Variants in TMEM132C observed in about 807,000 individuals in gnomAD.
TMEM132C encodes the protein transmembrane protein 132C, also known as protein phosphatase 1, regulatory subunit 152.
TMEM132C carries 29 observed loss-of-function variants against 61.4 expected under a neutral mutation model. That is an observed-to-expected ratio of 0.47 (90% confidence interval 0.35 to 0.64). The LOEUF is 0.64. TMEM132C is among the 30% of genes least tolerant of loss of function. The pLI, the probability that TMEM132C is intolerant of heterozygous loss-of-function variation, is 0.00. For synonymous variants in TMEM132C, 656 were observed against 633.1 expected, an observed-to-expected ratio of 1.04 and a Z score of -0.54; for missense variants, 1,408 against 1,476.9, an observed-to-expected ratio of 0.95 and a Z score of 0.76.
chr12:128,268,639 C>T (rs1464062034), intron 1 of TMEM132C, among the ~76,000 whole-genome samples: 3 of 152,160 alleles, frequency 2.0e-5, no homozygotes, highest in African/African-American at 4.8e-5. Context: ...CACTCAAAGC[C>T]ACCCTTCTCC....
chr12:128,398,779 C>T (rs75081654), intron 1 of TMEM132C, among the ~76,000 whole-genome samples: 2,774 of 152,206 alleles, frequency 0.018, 87 homozygotes, highest in African/African-American at 0.063. Flanking sequence ...ATGCAGCACC[C>T]GGACCAACAG....
At chr12:128,484,950 C>T (rs1388862616) in intron 2 of TMEM132C, among the ~76,000 whole-genome samples, 1 of 151,524 alleles carries the variant, frequency 6.6e-6, no homozygotes, top group Non-Finnish European at 1.5e-5. Flanking sequence ...AGAGTGAGAC[C>T]CTGCCTCAAA....
chr12:128,286,081 CTCCCCATCTCTA>C, intron 1 of TMEM132C, among the ~76,000 whole-genome samples: 1 of 151,464 alleles, frequency 6.6e-6, no homozygotes, highest in African/African-American at 2.4e-5. Context: ...CTCTCTCTCT[CTCCCCATCTCTA>C]TCCCTCTCTC....
chr12:128,640,966 G>T (rs1386910876), intron 4 of TMEM132C, among the ~76,000 whole-genome samples: 1 of 152,172 alleles, frequency 6.6e-6, no homozygotes, highest in Non-Finnish European at 1.5e-5. Context: ...TTCTAAAAGT[G>T]TGCTGCAGGC....
At chr12:128,267,781 G>A (rs934839424) in intron 1 of TMEM132C, among the ~76,000 whole-genome samples, 2 of 152,150 alleles carry the variant, frequency 1.3e-5, no homozygotes, top group East Asian at 1.9e-4. Flanking sequence ...TGAGGGACAC[G>A]GTGTTTGTTC....
At chr12:128,622,359 AAATATATATATATAT>A (rs1479097099) in intron 4 of TMEM132C, among the ~76,000 whole-genome samples, 13 of 56,400 alleles carry the variant, frequency 2.3e-4, no homozygotes, top group East Asian at 1.3e-3. Flanking sequence ...AAAAAAAAAA[AAATATATATATATAT>A]ATATATATAT....
chr12:128,632,053 A>ACACCCCAGATCTGGCTGCTACTATTTTAG (rs1954069216), intron 4 of TMEM132C, among the ~76,000 whole-genome samples: 1 of 152,176 alleles, frequency 6.6e-6, no homozygotes, highest in Admixed American at 6.5e-5. Flanking sequence ...GGCTTTACAG[A>ACACCCCAGATCTGGCTGCTACTATTTTAG]CACCCCAGAT....
chr12:128,471,597 C>A lies in TMEM132C; in HGVS notation c.974+55977C>A, dbSNP rs111627142. 8.1e-3 allele frequency among the ~76,000 whole-genome samples: 1,229 copies of A among 152,318 alleles called. 14 individuals carry two copies. Among genetic ancestry groups the A allele is most frequent in the South Asian group, 0.044 (212 of 4,824 alleles). Reference sequence around the variant, plus strand: ...TGGGAGGCAGCCTGTAACCGAGAAGCAGCATTGCATAGCATCATGCTTGGG... The same window carrying A: ...TGGGAGGCAGCCTGTAACCGAGAAGAAGCATTGCATAGCATCATGCTTGGG... On this transcript the variant is annotated intron_variant, in intron 2 of 8. Transcript: ENST00000435159.
chr12:128,542,943 G>C (rs146417999), intron 2 of TMEM132C, among the ~76,000 whole-genome samples: 1 of 151,146 alleles, frequency 6.6e-6, no homozygotes. Flanking sequence ...ACTGTCTTAT[G>C]CCTTTTAAAA....
At chr12:128,471,661 A>T (rs1870958934) in intron 2 of TMEM132C, among the ~76,000 whole-genome samples, 1 of 152,142 alleles carries the variant, frequency 6.6e-6, no homozygotes, top group Admixed American at 6.5e-5. Flanking sequence ...GGTGTAATAC[A>T]GACTTTAATA....
rs114140952 is a variant in TMEM132C, at chr12:128,410,417, A to G, written c.86-4315A>G. On this transcript the variant is annotated intron_variant, in intron 1 of 8. Transcript: ENST00000435159. ...TATATGTATATGTTTGTATGTATGTATTTTGAGACAGAGTCTCACTCTGTC... is the reference window on the plus strand; with the variant it reads ...TATATGTATATGTTTGTATGTATGTGTTTTGAGACAGAGTCTCACTCTGTC... Among the ~76,000 whole-genome samples the G allele has an allele frequency of 1.9e-3, 283 of 152,124 alleles. 3 individuals are homozygous for G. The highest frequency in any genetic ancestry group is 6.8e-3 in the Middle Eastern group (2 of 294).
intron 2 of TMEM132C, among the ~76,000 whole-genome samples, chr12:128,445,943 C>T (rs937230179): frequency 1.3e-5 from 2 of 152,120 alleles, no homozygotes; most frequent in Non-Finnish European, 1.5e-5. Context: ...TCATAATGAA[C>T]GTGAGATACT....
At chr12:128,455,686 A>G (rs1386200931) in intron 2 of TMEM132C, among the ~76,000 whole-genome samples, 1 of 152,208 alleles carries the variant, frequency 6.6e-6, no homozygotes, top group Non-Finnish European at 1.5e-5. Flanking sequence ...ATAAGTAAAC[A>G]TGACATCCAT....
At chr12:128,429,267 A>G (rs563914735) in intron 2 of TMEM132C, among the ~76,000 whole-genome samples, 1 of 152,300 alleles carries the variant, frequency 6.6e-6, no homozygotes, top group Admixed American at 6.5e-5. Context: ...TAGATATCCT[A>G]CAATGTGCAA....
chr12:128,645,527 C>T (rs772386269), intron 4 of TMEM132C, among the ~76,000 whole-genome samples: 52 of 152,332 alleles, frequency 3.4e-4, no homozygotes, highest in Non-Finnish European at 6.0e-4. Context: ...CCCAAATCCT[C>T]ACTTGATGAA....
intron 7 of TMEM132C, 37 bp downstream of exon 7, chr12:128,696,140 G>T (rs375318306): frequency 2.6e-6 from 4 of 1,539,656 alleles, no homozygotes; most frequent in African/African-American, 2.7e-5. Flanking sequence ...CCAGCACTGG[G>T]CATGTGTGCA....
At chr12:128,395,899 T>TA (rs1043088185) in intron 1 of TMEM132C, among the ~76,000 whole-genome samples, 46 of 150,650 alleles carry the variant, frequency 3.1e-4, no homozygotes, top group Non-Finnish European at 4.7e-4. Context: ...CCGGAGTCAA[T>TA]AAAAAAAAAG....
chr12:128,544,246 T>C, intron 3 of TMEM132C, 143 bp downstream of exon 3: 1 of 1,226,244 alleles, frequency 8.2e-7, no homozygotes, highest in Non-Finnish European at 1.1e-6. Context: ...CTGGAGGCAT[T>C]GATATCCATG....
intron 5 of TMEM132C, among the ~76,000 whole-genome samples, chr12:128,687,099 G>A (rs1309000998): frequency 3.3e-5 from 5 of 151,762 alleles, no homozygotes; most frequent in African/African-American, 1.2e-4. Context: ...CTACCCGGGA[G>A]GCTGAGGCAG....
Sources: gnomAD v4.1 joint callset for allele counts (sites outside exome capture counted in the v4.1 genomes callset) on GRCh38, gnomAD v4.1.1 for gene constraint, MANE v1.5 for transcripts, NCBI Gene and HGNC (gene_info 2026-07-23, HGNC 2026-07-21) for gene names.